The following PTPRE variants were observed in gnomAD, a reference collection of about 807,000 sequenced individuals.
PTPRE encodes receptor-type tyrosine-protein phosphatase epsilon.
Under a neutral mutation model 102.0 loss-of-function variants are expected in PTPRE, and 51 were observed. The observed-to-expected ratio is 0.50, with a 90% CI of 0.40 to 0.63. PTPRE has a LOEUF of 0.63. PTPRE is among the 30% of genes least tolerant of loss of function. The probability of loss-of-function intolerance (pLI) is 0.00; values close to 1 mark genes in which losing one functional copy is unlikely to be tolerated. For missense variants in PTPRE, 752 were observed against 915.1 expected (o/e 0.82, Z 2.30); for synonymous variants, 345 against 348.2 (o/e 0.99, Z 0.10).
chr10:127,998,503 A>G (rs1853515153), intron 2 of PTPRE: 1 of 152,214 alleles, frequency 6.6e-6, no homozygotes, highest in African/African-American at 2.4e-5. Flanking sequence ...AGTGAATTGA[A>G]TGAAATGGAG....
At chr10:127,920,541 A>T (rs1386738899) in intron 1 of PTPRE, among the ~76,000 whole-genome samples, 1 of 152,128 alleles carries the variant, frequency 6.6e-6, no homozygotes, top group Non-Finnish European at 1.5e-5. Flanking sequence ...CCCAGATTGC[A>T]TTTATGGGTA....
At chr10:128,018,145 T>C (rs1413961775) in intron 2 of PTPRE, among the ~76,000 whole-genome samples, 1 of 150,826 alleles carries the variant, frequency 6.6e-6, no homozygotes, top group East Asian at 2.0e-4. Flanking sequence ...CCGGAGGTGG[T>C]AGGAGCTTTG....
intron 2 of PTPRE, among the ~76,000 whole-genome samples, chr10:128,030,396 G>T (rs1259694936): frequency 2.0e-5 from 3 of 151,598 alleles, no homozygotes; most frequent in Non-Finnish European, 4.4e-5. Context: ...TAGAGGGAGG[G>T]GAAAGAGAGA....
chr10:127,931,642 G>T (rs1477293649), intron 1 of PTPRE, among the ~76,000 whole-genome samples: 3 of 152,088 alleles, frequency 2.0e-5, no homozygotes, highest in African/African-American at 7.2e-5. Context: ...CGCCCCCTTT[G>T]CATCGTTACC....
chr10:128,076,988 G>A (rs563077552), intron 18 of PTPRE, among the ~76,000 whole-genome samples: 1 of 152,224 alleles, frequency 6.6e-6, no homozygotes, highest in African/African-American at 2.4e-5. Flanking sequence ...AGAACAAAGG[G>A]GACTAATGAA....
rs1350009589 is a variant in PTPRE at position 128,085,025 on chromosome 10, G to T, written c.*2119G>T. 2.2e-6 allele frequency: 1 copy of T among 448,842 alleles called. No individual in the cohort carries two copies. The highest frequency in any genetic ancestry group is 7.0e-5 in the East Asian group (1 of 14,324). The allele number at this position is 448,842 out of a possible 1,614,324, so 27.8% of individuals were successfully genotyped here. A position where few individuals can be genotyped will look rare whatever the true frequency, so the allele number is the denominator to read the frequency against. ...TCCTGTCCCCTTAGACCAACCCCAGGTGTCCACTGCAGGGGTTCTGCCTGT... is the reference window on the plus strand; with the variant it reads ...TCCTGTCCCCTTAGACCAACCCCAGTTGTCCACTGCAGGGGTTCTGCCTGT... On this transcript the variant is annotated 3_prime_UTR_variant, in exon 21 of 21. Coordinates refer to ENST00000254667, the MANE Select transcript of PTPRE (RefSeq NM_006504.6).
rs1850582921 is a variant in PTPRE, at chr10:128,069,607, C to T, written c.1008-85C>T. 1.9e-6 allele frequency: 3 copies of T among 1,551,278 alleles called. No homozygotes were observed. In the African/African-American group the frequency reaches 4.2e-5, roughly 22 times the overall value. On this transcript the variant is annotated intron_variant, in intron 12 of 20. Transcript: ENST00000254667. ...AAAACAAAAAGTTGCATCCAGTGAC[C>T]TGGGTGCGCAGGCCCCTTCGGGGCC...
At position 127,944,500 on chromosome 10, in the gene PTPRE, A is replaced by ATGGATGGATGGATGGATAAG. The variant is rs1554896085; in HGVS notation, c.-31+37206_-31+37207insATAAGTGGATGGATGGATGG. Among the ~76,000 whole-genome samples, 43,907 of 145,856 alleles carry ATGGATGGATGGATGGATAAG rather than the reference A, an allele frequency of 0.3. 7,422 individuals carry two copies. Among genetic ancestry groups the ATGGATGGATGGATGGATAAG allele is most frequent in the Middle Eastern group, 0.4 (115 of 286 alleles). On this transcript the variant is annotated intron_variant, in intron 1 of 20. Coordinates refer to ENST00000254667, the MANE Select transcript of PTPRE (RefSeq NM_006504.6). The surrounding 1 kb of genome is among the most constrained non-coding windows in gnomAD (Gnocchi z 4.2). ...GATGGATGGATGGATGGATGGATGG[A>ATGGATGGATGGATGGATAAG]TGGATGGATGGATGGGTGGATGGAT...
chr10:128,020,057 C>CAT (rs2135681224), intron 2 of PTPRE, among the ~76,000 whole-genome samples: 1 of 143,910 alleles, frequency 6.9e-6, no homozygotes, highest in Non-Finnish European at 1.6e-5. Flanking sequence ...CACGCGCGCA[C>CAT]GTGTGTGTGT....
In PTPRE at chr10:127,907,515, G is replaced by C. The variant is rs1012645828; in HGVS notation, c.-31+206G>C. On this transcript the variant is annotated intron_variant, in intron 1 of 20. Coordinates refer to ENST00000254667, the MANE Select transcript of PTPRE (RefSeq NM_006504.6). The surrounding 1 kb of genome is among the most constrained non-coding windows in gnomAD (Gnocchi z 4.8). ...CCCGTACGACCCCCGACCCCGGCCT[G>C]TGGCGCGTCCCCTCACCCGGAGTCC... Among the ~76,000 whole-genome samples, 1 of 151,638 alleles carries C rather than the reference G, an allele frequency of 6.6e-6. No homozygotes were observed. The highest frequency in any genetic ancestry group is 1.5e-5 in the Non-Finnish European group (1 of 67,834).
At position 127,996,774 on chromosome 10, in the gene PTPRE, G is replaced by A. The variant is rs1367997713; in HGVS notation, c.-8+14478G>A. ...GAAGCAGGGCCATCATGTCCCGGCT[G>A]TTGGGAGTTCCTGTGAATGTTGCAA... On this transcript the variant is annotated intron_variant, in intron 2 of 20. Transcript: ENST00000254667. Among the ~76,000 whole-genome samples, 5 of 152,344 alleles carry A rather than the reference G, an allele frequency of 3.3e-5. No homozygotes were observed. In the East Asian group the frequency reaches 5.8e-4, roughly 18 times the overall value.
At chr10:127,925,504 G>A (rs1356703243) in intron 1 of PTPRE, among the ~76,000 whole-genome samples, 1 of 152,204 alleles carries the variant, frequency 6.6e-6, no homozygotes, top group Non-Finnish European at 1.5e-5. Flanking sequence ...CTACCGCAGA[G>A]TTCTCAGAAT....
At position 128,008,461 on chromosome 10, in the gene PTPRE, T is replaced by A. The variant is rs1844697466; in HGVS notation, c.-8+26165T>A. Among the ~76,000 whole-genome samples, 1 of 152,204 alleles carries A rather than the reference T, an allele frequency of 6.6e-6. No homozygotes were observed. Among genetic ancestry groups the A allele is most frequent in the Non-Finnish European group, 1.5e-5 (1 of 68,034 alleles). ...AAAGTTTCAGTAGCCAGGGATAATG[T>A]CAAACAGCCAGTCCCGGGTTTCTAA... On this transcript the variant is annotated intron_variant, in intron 2 of 20. Transcript: ENST00000254667. This position sits in a 1 kb window ranked among gnomAD's most constrained non-coding sequence, Gnocchi z 4.0.
At chr10:128,061,749 G>A in intron 9 of PTPRE, 34 bp downstream of exon 9, 1 of 1,569,248 alleles carries the variant, frequency 6.4e-7, no homozygotes, top group Non-Finnish European at 8.6e-7. Flanking sequence ...ACGTATTTTT[G>A]GTAACGTGAA....
chr10:128,054,654 C>A (rs2135896760), intron 6 of PTPRE, among the ~76,000 whole-genome samples: 1 of 151,724 alleles, frequency 6.6e-6, no homozygotes, highest in South Asian at 2.1e-4. Flanking sequence ...TTTGGTGGCC[C>A]CAAAGCAGAG....
chr10:127,988,584 C>T lies in PTPRE; in HGVS notation c.-8+6288C>T, dbSNP rs192860947. On this transcript the variant is annotated intron_variant, in intron 2 of 20. Coordinates refer to ENST00000254667, the MANE Select transcript of PTPRE (RefSeq NM_006504.6). The stretch of plus-strand genomic sequence containing the variant: ...TCTCCCAAAGTGCTGGGATTACAGG[C>T]ATGAGCCACCCTACCTGGCCTGCGG... Among the ~76,000 whole-genome samples the T allele has an allele frequency of 3.3e-5, 5 of 152,192 alleles. No individual in the cohort carries two copies. The East Asian group carries it at 9.7e-4, about 29-fold the overall frequency.
At chr10:128,029,044 T>C (rs1846499656) in intron 2 of PTPRE, among the ~76,000 whole-genome samples, 1 of 152,190 alleles carries the variant, frequency 6.6e-6, no homozygotes, top group Non-Finnish European at 1.5e-5. Context: ...GGGGGCATCC[T>C]CCCTCTTGAT....
At chr10:127,967,371 A>G (rs1850337515) in intron 1 of PTPRE, among the ~76,000 whole-genome samples, 1 of 152,076 alleles carries the variant, frequency 6.6e-6, no homozygotes, top group Non-Finnish European at 1.5e-5. Flanking sequence ...ACCCTGTGGG[A>G]GGTAATTGAA....
chr10:128,045,776 G>T (rs1156826292), intron 3 of PTPRE, among the ~76,000 whole-genome samples: 1 of 152,210 alleles, frequency 6.6e-6, no homozygotes, highest in Non-Finnish European at 1.5e-5. Flanking sequence ...GTCAAAGGCG[G>T]GGGACTGTGG....
Sources: gnomAD v4.1 joint callset for allele counts (sites outside exome capture counted in the v4.1 genomes callset) on GRCh38, gnomAD v4.1.1 for gene constraint, Gnocchi (gnomAD v3.1) non-coding constraint, MANE v1.5 for transcripts, NCBI Gene and HGNC (gene_info 2026-07-23, HGNC 2026-07-21) for gene names.